METTL13: variants seen among roughly 807,000 people sequenced by gnomAD.
METTL13 encodes the protein eEF1A lysine and N-terminal methyltransferase.
In METTL13, 52 loss-of-function variants were observed where a neutral mutation model predicts 67.4. The observed-to-expected ratio is 0.77, with a 90% CI of 0.62 to 0.97. The LOEUF (loss-of-function observed/expected upper bound fraction) is 0.97, where lower values mean the gene tolerates loss of function less well. Among genes scored for constraint, METTL13 ranks in the 50% least tolerant of loss-of-function variants. METTL13 has a pLI of 0.00. For synonymous variants in METTL13, 354 were observed against 353.6 expected, an observed-to-expected ratio of 1.00 and a Z score of -0.01; for missense variants, 825 against 889.6, an observed-to-expected ratio of 0.93 and a Z score of 0.92.
chr1:171,788,410 C>T (rs938933765), intron 4 of METTL13, among the ~76,000 whole-genome samples: 1 of 152,164 alleles, frequency 6.6e-6, no homozygotes, highest in Admixed American at 6.5e-5. Flanking sequence ...CTAATGTGGT[C>T]GCGACTAGCC....
intron 4 of METTL13, among the ~76,000 whole-genome samples, chr1:171,788,558 T>C (rs1370657833): frequency 6.9e-6 from 1 of 144,090 alleles, no homozygotes; most frequent in Non-Finnish European, 1.6e-5. Flanking sequence ...AGTGTAGATC[T>C]AAACCATCTC....
chr1:171,792,284 A>T (rs771235083), intron 6 of METTL13, 49 bp downstream of exon 6: 1 of 1,604,470 alleles, frequency 6.2e-7, no homozygotes, highest in Admixed American at 1.7e-5. Flanking sequence ...GATTGATGCG[A>T]CATTGTCAGG....
chr1:171,792,259 G>T, intron 6 of METTL13, 24 bp downstream of exon 6: 1 of 1,612,808 alleles, frequency 6.2e-7, no homozygotes, highest in Non-Finnish European at 8.5e-7. Context: ...AGCATTTGAA[G>T]GGGTGTTGAG....
At chr1:171,783,178 G>A (rs1656883777) in intron 1 of METTL13, among the ~76,000 whole-genome samples, 1 of 151,758 alleles carries the variant, frequency 6.6e-6, no homozygotes, top group Non-Finnish European at 1.5e-5. Context: ...TTCCAAAGAT[G>A]GCAATATCAG....
At chr1:171,782,857 A>G (rs1343537828) in intron 1 of METTL13, among the ~76,000 whole-genome samples, 1 of 152,208 alleles carries the variant, frequency 6.6e-6, no homozygotes, top group Non-Finnish European at 1.5e-5. Context: ...TAAGTACAAC[A>G]ATGGGTTTGG....
intron 5 of METTL13, 90 bp from the exon 6 acceptor site, chr1:171,791,927 G>A (rs1381748365): frequency 7.5e-7 from 1 of 1,331,304 alleles, no homozygotes; most frequent in Non-Finnish European, 1.1e-6. Flanking sequence ...TGGAGACAGT[G>A]AGCTGACTTT....
chr1:171,784,368 G>A lies in METTL13; in HGVS notation c.782G>A (p.Arg261His), dbSNP rs200794655. The A allele has an allele frequency of 1.1e-5, 17 of 1,573,238 alleles. No homozygotes were observed. In the East Asian group the frequency reaches 1.3e-4, roughly 12 times the overall value. ...QYAWLCSQLR[R>H]KARLGSVSLD... ...GCCTGGCTGTGCAGCCAGCTGCGCC[G>A]CAAGGCCAGGCTGGGGAGTGTGTCT... The change falls in exon 2 of 8, where the codon CGC (arginine) becomes CAC (histidine). Residue 261 changes from arginine (R) to histidine (H), a missense_variant. Transcript: ENST00000361735.
At chr1:171,787,684 T>C (rs1442721587) in intron 3 of METTL13, 51 bp from the exon 4 acceptor site, 1 of 1,544,228 alleles carries the variant, frequency 6.5e-7, no homozygotes, top group Non-Finnish European at 8.8e-7. Flanking sequence ...TAATTTCTCT[T>C]ATTTCTTAAA....
intron 4 of METTL13, among the ~76,000 whole-genome samples, chr1:171,790,121 G>A (rs1657153527): frequency 6.6e-6 from 1 of 152,146 alleles, no homozygotes; most frequent in Non-Finnish European, 1.5e-5. Context: ...CAAAAGAGAT[G>A]CCAGGCTTTT....
chr1:171,796,339 A>G (rs1057322093), intron 7 of METTL13, 143 bp from the exon 8 acceptor site: 6 of 956,132 alleles, frequency 6.3e-6, no homozygotes, highest in Non-Finnish European at 9.5e-6. Context: ...TATGCTGTGT[A>G]TTCTCTGCAA....
At chr1:171,789,973 CTT>C (rs900234148) in intron 4 of METTL13, among the ~76,000 whole-genome samples, 60 of 152,138 alleles carry the variant, frequency 3.9e-4, no homozygotes, top group South Asian at 2.1e-4. Context: ...AAAGAAAAGA[CTT>C]TTATTTTGGC....
At chr1:171,794,003 G>C (rs1657286001) in intron 6 of METTL13, among the ~76,000 whole-genome samples, 2 of 152,150 alleles carry the variant, frequency 1.3e-5, no homozygotes, top group Admixed American at 6.6e-5. Flanking sequence ...ACTACCCCAG[G>C]ATATTTTATT....
chr1:171,790,819 A>C (rs1394914083), intron 5 of METTL13: 1 of 476,666 alleles, frequency 2.1e-6, no homozygotes, highest in Non-Finnish European at 3.4e-6. Context: ...ATTGTATTGA[A>C]ATATGTTAGA....
At chr1:171,792,539 G>C (rs1157832655) in intron 6 of METTL13, among the ~76,000 whole-genome samples, 2 of 152,214 alleles carry the variant, frequency 1.3e-5, no homozygotes, top group African/African-American at 4.8e-5. Context: ...GAAACCTGAA[G>C]TCTAACTGGG....
At chr1:171,791,653 A>G (rs909435918) in intron 5 of METTL13, among the ~76,000 whole-genome samples, 3 of 152,070 alleles carry the variant, frequency 2.0e-5, no homozygotes, top group African/African-American at 7.2e-5. Context: ...TTCTATAGAC[A>G]GGATTTTGCC....
intron 5 of METTL13, 58 bp downstream of exon 5, chr1:171,790,674 A>T: frequency 7.2e-7 from 1 of 1,384,852 alleles, no homozygotes. Flanking sequence ...AGACCTAAAC[A>T]ATTGGTGTCA....
intron 3 of METTL13, 70 bp downstream of exon 3, chr1:171,786,148 C>A: frequency 6.7e-7 from 1 of 1,491,098 alleles, no homozygotes; most frequent in South Asian, 1.3e-5. Context: ...GCAGAGGGAG[C>A]CTTGGCAGGA....
At chr1:171,794,196 A>C (rs566956434) in intron 6 of METTL13, among the ~76,000 whole-genome samples, 200 bp from the exon 7 acceptor site, 68 of 152,308 alleles carry the variant, frequency 4.5e-4, no homozygotes, top group African/African-American at 1.6e-3. Context: ...CATCTTTACT[A>C]TGGGACACTC....
intron 4 of METTL13, 75 bp from the exon 5 acceptor site, chr1:171,790,377 A>T: frequency 7.2e-7 from 1 of 1,389,870 alleles, no homozygotes; most frequent in Non-Finnish European, 9.4e-7. Context: ...AGCCATCTGG[A>T]GCACACTGCT....
Sources: gnomAD v4.1 joint callset for allele counts (sites outside exome capture counted in the v4.1 genomes callset) on GRCh38, gnomAD v4.1.1 for gene constraint, MANE v1.5 for transcripts, NCBI Gene and HGNC (gene_info 2026-07-23, HGNC 2026-07-21) for gene names.